DPP10: variants seen among roughly 807,000 people sequenced by gnomAD.
DPP10 encodes the protein inactive dipeptidyl peptidase 10.
In DPP10, 33 loss-of-function variants were observed where a neutral mutation model predicts 120.9. The ratio of observed to expected loss-of-function variants is 0.27; its 90% CI spans 0.21 to 0.37. The LOEUF (loss-of-function observed/expected upper bound fraction) is 0.37, where lower values mean the gene tolerates loss of function less well. Ranked by LOEUF, DPP10 falls within the 10% of genes least tolerant of loss-of-function variation. DPP10 has a pLI of 1.00. For synonymous variants in DPP10, 337 were observed against 326.1 expected, an observed-to-expected ratio of 1.03 and a Z score of -0.36; for missense variants, 816 against 942.8, an observed-to-expected ratio of 0.87 and a Z score of 1.76.
chr2:115,769,556 A>G (rs1194379639), intron 13 of DPP10, among the ~76,000 whole-genome samples: 1 of 152,018 alleles, frequency 6.6e-6, no homozygotes, highest in Non-Finnish European at 1.5e-5. Context: ...CACAGTACAG[A>G]TGTAGATTGA....
intron 1 of DPP10, among the ~76,000 whole-genome samples, chr2:114,574,022 A>T (rs1184625198): frequency 6.6e-6 from 1 of 152,212 alleles, no homozygotes; most frequent in Non-Finnish European, 1.5e-5. Flanking sequence ...GCTCAAGCAG[A>T]TAAACTGCTG....
At chr2:115,523,589 T>A (rs942143084) in intron 4 of DPP10, among the ~76,000 whole-genome samples, 3 of 152,080 alleles carry the variant, frequency 2.0e-5, no homozygotes, top group Non-Finnish European at 4.4e-5. Context: ...AGTCTTTACA[T>A]AACAGCGTAC....
At chr2:115,631,053 T>C (rs2085822777) in intron 5 of DPP10, among the ~76,000 whole-genome samples, 2 of 57,052 alleles carry the variant, frequency 3.5e-5, no homozygotes, top group South Asian at 1.7e-3. Flanking sequence ...TTTTTTTTTT[T>C]TTTTTTTTGT....
chr2:114,713,474 A>G (rs1190446214), intron 1 of DPP10, among the ~76,000 whole-genome samples: 1 of 152,166 alleles, frequency 6.6e-6, no homozygotes, highest in Non-Finnish European at 1.5e-5. Context: ...AAAAACATCG[A>G]TATACTTTCC....
intron 5 of DPP10, among the ~76,000 whole-genome samples, chr2:115,553,822 T>C (rs895805931): frequency 2.7e-5 from 4 of 148,410 alleles, no homozygotes; most frequent in Admixed American, 2.0e-4. Flanking sequence ...ATGCTGAGGG[T>C]TTTTTTTTTC....
intron 5 of DPP10, among the ~76,000 whole-genome samples, chr2:115,588,444 A>G (rs1157993870): frequency 6.6e-6 from 1 of 152,196 alleles, no homozygotes; most frequent in East Asian, 1.9e-4. Flanking sequence ...CGGCTTCAAT[A>G]TATGATGGAG....
intron 1 of DPP10, among the ~76,000 whole-genome samples, chr2:114,727,665 G>A (rs538873157): frequency 2.6e-5 from 4 of 152,172 alleles, no homozygotes; most frequent in African/African-American, 7.2e-5. Context: ...ATTGTTCCCC[G>A]ATGGCTGCAC....
At chr2:115,387,691 A>G (rs1044187302) in intron 3 of DPP10, among the ~76,000 whole-genome samples, 1 of 152,174 alleles carries the variant, frequency 6.6e-6, no homozygotes, top group Non-Finnish European at 1.5e-5. Context: ...TAATGTTTTT[A>G]TTCATTAGAT....
intron 3 of DPP10, among the ~76,000 whole-genome samples, chr2:115,378,645 A>G (rs1443918683): frequency 6.6e-6 from 1 of 151,234 alleles, no homozygotes; most frequent in Non-Finnish European, 1.5e-5. Context: ...TTCAAAGGGA[A>G]TGCTTCCAGT....
chr2:115,392,186 C>CTT (rs11404549), intron 3 of DPP10, among the ~76,000 whole-genome samples: 22 of 150,960 alleles, frequency 1.5e-4, no homozygotes, highest in East Asian at 9.8e-4. Flanking sequence ...TATTTTTATG[C>CTT]TTTTTTTTTG....
chr2:115,811,424 A>C (rs1686627715), intron 19 of DPP10, among the ~76,000 whole-genome samples: 1 of 152,206 alleles, frequency 6.6e-6, no homozygotes, highest in Admixed American at 6.5e-5. Context: ...GATTTGTTTT[A>C]AAAAACCTGT....
intron 1 of DPP10, among the ~76,000 whole-genome samples, chr2:114,842,780 G>C (rs1358758769): frequency 6.6e-6 from 1 of 152,120 alleles, no homozygotes; most frequent in Admixed American, 6.6e-5. Flanking sequence ...GTCCAGAAAT[G>C]CTGAATAAAA....
chr2:115,546,253 T>C (rs1389346998), intron 5 of DPP10, among the ~76,000 whole-genome samples: 1 of 152,174 alleles, frequency 6.6e-6, no homozygotes, highest in African/African-American at 2.4e-5. Flanking sequence ...ATGTCTTTTG[T>C]TGACACTGAA....
chr2:115,688,679 C>T (rs554693405), intron 5 of DPP10, among the ~76,000 whole-genome samples: 2 of 152,278 alleles, frequency 1.3e-5, no homozygotes, highest in East Asian at 3.9e-4. Flanking sequence ...CTAATTTCCT[C>T]TGTATTCCAC....
At chr2:115,222,371 C>G (rs2057216463) in intron 1 of DPP10, among the ~76,000 whole-genome samples, 1 of 152,108 alleles carries the variant, frequency 6.6e-6, no homozygotes, top group African/African-American at 2.4e-5. Context: ...CACATTTCAT[C>G]TTGAATTCTC....
chr2:115,182,481 T>C (rs933968070), intron 1 of DPP10, among the ~76,000 whole-genome samples: 3 of 152,220 alleles, frequency 2.0e-5, no homozygotes, highest in African/African-American at 4.8e-5. Flanking sequence ...AAACAGTCTT[T>C]GGGGTTATCA....
intron 2 of DPP10, among the ~76,000 whole-genome samples, chr2:115,337,274 TACA>T (rs2063197898): frequency 6.6e-6 from 1 of 152,042 alleles, no homozygotes; most frequent in African/African-American, 2.4e-5. Flanking sequence ...CAGAGGGGCT[TACA>T]CTAAGGAGTT....
chr2:115,412,091 G>T (rs1350542188), intron 3 of DPP10, among the ~76,000 whole-genome samples: 1 of 152,058 alleles, frequency 6.6e-6, no homozygotes, highest in African/African-American at 2.4e-5. Context: ...TGATTTAAGG[G>T]GAAATGAGAT....
At chr2:114,608,127 A>G (rs1692970664) in intron 1 of DPP10, among the ~76,000 whole-genome samples, 1 of 152,180 alleles carries the variant, frequency 6.6e-6, no homozygotes, top group Non-Finnish European at 1.5e-5. Flanking sequence ...GTCCTGACTA[A>G]GAGACTTGGC....
Sources: allele counts gnomAD v4.1 joint callset (sites outside exome capture counted in the v4.1 genomes callset), GRCh38; gene constraint gnomAD v4.1.1; transcripts MANE v1.5; gene names NCBI Gene and HGNC (gene_info 2026-07-23, HGNC 2026-07-21).